Variants in DTNA observed in about 807,000 individuals in gnomAD.
The protein encoded by DTNA is dystrophin-related protein 3.
A neutral mutation model predicts 100.7 loss-of-function variants in DTNA; 43 were observed. The ratio of observed to expected loss-of-function variants is 0.43; its 90% CI spans 0.33 to 0.55. DTNA has a LOEUF of 0.55. DTNA is among the 20% of genes least tolerant of loss of function. The probability of loss-of-function intolerance (pLI) is 0.04; values close to 1 mark genes in which losing one functional copy is unlikely to be tolerated. For synonymous variants in DTNA, 349 were observed against 347.9 expected, an observed-to-expected ratio of 1.00 and a Z score of -0.04; for missense variants, 798 against 953.9, an observed-to-expected ratio of 0.84 and a Z score of 2.15.
intron 1 of DTNA, among the ~76,000 whole-genome samples, chr18:34,517,353 T>A (rs1371063711): frequency 2.0e-5 from 3 of 152,062 alleles, no homozygotes; most frequent in African/African-American, 7.2e-5. Context: ...GTCACCCAAT[T>A]TACCCAATGG....
At chr18:34,781,906 T>C (rs2094339106) in intron 3 of DTNA, among the ~76,000 whole-genome samples, 1 of 152,030 alleles carries the variant, frequency 6.6e-6, no homozygotes, top group Non-Finnish European at 1.5e-5. Context: ...GGTCAGTGAG[T>C]TCAAATTTCT....
chr18:34,793,985 T>A, intron 3 of DTNA, 52 bp from the exon 4 acceptor site: 1 of 1,574,744 alleles, frequency 6.4e-7, no homozygotes, highest in African/African-American at 1.3e-5. Flanking sequence ...TAAACTGATG[T>A]ATTTGCCTTC....
chr18:34,498,251 TAAAAATACGAAAAC>T (rs1174712985), intron 1 of DTNA, among the ~76,000 whole-genome samples: 1 of 151,824 alleles, frequency 6.6e-6, no homozygotes, highest in African/African-American at 2.4e-5. Context: ...CCGTCTCTAC[TAAAAATACGAAAAC>T]AAAAGATTAG....
intron 3 of DTNA, among the ~76,000 whole-genome samples, chr18:34,770,013 G>A (rs1030164127): frequency 2.0e-5 from 3 of 152,042 alleles, no homozygotes; most frequent in African/African-American, 4.8e-5. Context: ...GAGCCACAAC[G>A]CCTGGCCTGG....
intron 1 of DTNA, among the ~76,000 whole-genome samples, chr18:34,524,199 T>C (rs1371661995): frequency 2.0e-5 from 3 of 152,198 alleles, no homozygotes; most frequent in African/African-American, 7.2e-5. Flanking sequence ...TGTGTATTAA[T>C]AAAATAACAG....
In DTNA at chr18:34,493,973, G is replaced by C. The variant is rs567011517; in HGVS notation, c.-2+459G>C. ...CGGCGCCTCAGGCCCGCGGGGCGGC[G>C]GTAGCGGCTGCTGCAGGATGTCCGG... On this transcript the variant is annotated intron_variant, in intron 1 of 19. Coordinates refer to the DTNA transcript ENST00000283365. 4.0e-5 allele frequency: 6 copies of C among 149,038 alleles called. No homozygotes were observed. In the East Asian group the frequency reaches 1.2e-3, roughly 30 times the overall value. The allele number at this position is 149,038 out of a possible 1,614,324, so 9.2% of individuals were successfully genotyped here.
intron 1 of DTNA, among the ~76,000 whole-genome samples, chr18:34,533,369 C>G (rs2043345622): frequency 6.9e-6 from 1 of 144,504 alleles, no homozygotes; most frequent in African/African-American, 2.6e-5. Context: ...GAAACTCCAT[C>G]TCAAAAAAAA....
chr18:34,499,035 A>G (rs1310897285), intron 1 of DTNA, among the ~76,000 whole-genome samples: 2 of 152,190 alleles, frequency 1.3e-5, no homozygotes, highest in East Asian at 3.9e-4. Flanking sequence ...GTACAATATC[A>G]CAACCAGGAT....
At chr18:34,673,435 T>G (rs1427387206) in intron 1 of DTNA, among the ~76,000 whole-genome samples, 1 of 151,928 alleles carries the variant, frequency 6.6e-6, no homozygotes, top group East Asian at 1.9e-4. Flanking sequence ...CCACCTTACC[T>G]TTTAAAAATG....
rs572556032 is a variant in DTNA, at chr18:34,844,928, C to T, written c.1347-3368C>T. ...GGCAACAGACACTGGCCATGCATTT[C>T]GGGTAGAATGTGGAGGGCTTTCAAA... On this transcript the variant is annotated intron_variant, in intron 13 of 22. Transcript: ENST00000444659. Among the ~76,000 whole-genome samples, 51 of 152,106 alleles carry T rather than the reference C, an allele frequency of 3.4e-4. 1 individual carries two copies. The highest frequency in any genetic ancestry group is 6.3e-4 in the Non-Finnish European group (43 of 68,006).
Position 34,848,481 on chromosome 18 carries a change from G to A in DTNA, c.1434+98G>A, listed in dbSNP as rs1603219450. 1.2e-5 allele frequency: 15 copies of A among 1,266,668 alleles called. No individual in the cohort carries two copies. In the East Asian group the frequency reaches 3.4e-4, roughly 29 times the overall value. 78.5% of individuals were successfully genotyped at this position (1,266,668 alleles called of 1,614,324 possible). A position where few individuals can be genotyped will look rare whatever the true frequency, so the allele number is the denominator to read the frequency against. On this transcript the variant is annotated intron_variant, in intron 14 of 22. Coordinates refer to ENST00000444659, the MANE Select transcript of DTNA (RefSeq NM_001386795.1). Reference sequence around the variant, plus strand: ...TTATTATAGCTGGTGCTGATTACCAGGACAATTTGTGCTAATTTATTGTGC... The same window carrying A: ...TTATTATAGCTGGTGCTGATTACCAAGACAATTTGTGCTAATTTATTGTGC...
intron 4 of DTNA, among the ~76,000 whole-genome samples, chr18:34,804,494 A>T (rs569039894): frequency 4.6e-5 from 7 of 152,162 alleles, no homozygotes; most frequent in African/African-American, 1.7e-4. Flanking sequence ...GATTCAACAT[A>T]CAGGTAACAA....
chr18:34,543,751 A>C (rs2044483297), intron 1 of DTNA, among the ~76,000 whole-genome samples: 1 of 152,160 alleles, frequency 6.6e-6, no homozygotes, highest in Non-Finnish European at 1.5e-5. Context: ...AAATCCCACC[A>C]AATGGAAACA....
intron 1 of DTNA, among the ~76,000 whole-genome samples, chr18:34,503,743 T>TC (rs1314874425): frequency 2.6e-5 from 4 of 152,092 alleles, no homozygotes; most frequent in African/African-American, 4.8e-5. Context: ...GTTTTTTTTT[T>TC]CCTACCATCC....
chr18:34,813,579 G>T (rs2095529789), intron 6 of DTNA, among the ~76,000 whole-genome samples: 1 of 152,030 alleles, frequency 6.6e-6, no homozygotes, highest in Admixed American at 6.6e-5. Flanking sequence ...AATAGGCCGG[G>T]TGAGGTGGCT....
In DTNA at chr18:34,719,700, C is replaced by T. The variant is rs556165867; in HGVS notation, c.-2+9255C>T. On this transcript the variant is annotated intron_variant, in intron 1 of 22. Transcript: ENST00000444659. ...TTCCGGTATTTATGTCATTCTACACCGACACTGCTCAGAAATAGTAACAAG... is the reference window on the plus strand; with the variant it reads ...TTCCGGTATTTATGTCATTCTACACTGACACTGCTCAGAAATAGTAACAAG... Among the ~76,000 whole-genome samples the T allele has an allele frequency of 5.9e-5, 9 of 152,164 alleles. No homozygotes were observed. In the South Asian group the frequency reaches 1.0e-3, roughly 18 times the overall value.
At chr18:34,795,242 A>G (rs1010300252) in intron 4 of DTNA, among the ~76,000 whole-genome samples, 1 of 152,230 alleles carries the variant, frequency 6.6e-6, no homozygotes, top group Non-Finnish European at 1.5e-5. Flanking sequence ...TGTTCCAGCC[A>G]GGCTAATGTT....
chr18:34,540,044 G>C (rs147176127), intron 1 of DTNA, among the ~76,000 whole-genome samples: 2,423 of 151,798 alleles, frequency 0.016, 35 homozygotes, highest in Middle Eastern at 0.038. Flanking sequence ...TCTGATTTTT[G>C]AATAATTCAT....
At chr18:34,726,916 T>C (rs1465783426) in intron 1 of DTNA, among the ~76,000 whole-genome samples, 4 of 152,200 alleles carry the variant, frequency 2.6e-5, no homozygotes, top group Admixed American at 6.5e-5. Context: ...TAGGAAAGTA[T>C]CTTTGTGGAG....
Sources: gnomAD v4.1 joint callset for allele counts (sites outside exome capture counted in the v4.1 genomes callset) on GRCh38, gnomAD v4.1.1 for gene constraint, MANE v1.5 for transcripts, NCBI Gene and HGNC (gene_info 2026-07-23, HGNC 2026-07-21) for gene names.